SUGCT: variants seen among roughly 807,000 people sequenced by gnomAD.
SUGCT encodes succinyl-CoA:glutarate-CoA transferase.
In SUGCT, 41 loss-of-function variants were observed where a neutral mutation model predicts 55.0. The observed-to-expected ratio is 0.74, with a 90% CI of 0.58 to 0.97. The LOEUF (loss-of-function observed/expected upper bound fraction) is 0.97. Among genes scored for constraint, SUGCT ranks in the 50% least tolerant of loss-of-function variants. The pLI, the probability that SUGCT is intolerant of heterozygous loss-of-function variation, is 0.00. For synonymous variants in SUGCT, 187 were observed against 200.4 expected (o/e 0.93, Z 0.56); for missense variants, 568 against 547.8 (o/e 1.04, Z -0.37).
At chr7:40,397,227 G>A (rs1785782653) in intron 9 of SUGCT, among the ~76,000 whole-genome samples, 3 of 152,110 alleles carry the variant, frequency 2.0e-5, no homozygotes, top group Admixed American at 2.0e-4. Flanking sequence ...TCTGTGGTTG[G>A]AACTTTGCTT....
At chr7:40,697,208 C>T (rs1237016750) in intron 12 of SUGCT, among the ~76,000 whole-genome samples, 1 of 152,158 alleles carries the variant, frequency 6.6e-6, no homozygotes, top group Non-Finnish European at 1.5e-5. Context: ...AAGTACTTGG[C>T]ATTTTATTCC....
chr7:40,655,191 G>A (rs975040345), intron 12 of SUGCT, among the ~76,000 whole-genome samples: 1 of 152,126 alleles, frequency 6.6e-6, no homozygotes, highest in African/African-American at 2.4e-5. Flanking sequence ...CTCCTCAGGA[G>A]GCTGAGGTGG....
intron 12 of SUGCT, among the ~76,000 whole-genome samples, chr7:40,740,184 T>C (rs969787061): frequency 3.3e-5 from 5 of 152,080 alleles, no homozygotes; most frequent in Non-Finnish European, 7.4e-5. Context: ...AATGGTGTTG[T>C]TTTTAATTTT....
At chr7:40,513,852 C>T (rs751173839) in intron 12 of SUGCT, among the ~76,000 whole-genome samples, 15 of 139,564 alleles carry the variant, frequency 1.1e-4, no homozygotes, top group South Asian at 2.3e-4. Context: ...TGCGGTGGCG[C>T]GATCTCGGCT....
chr7:40,673,488 C>T (rs1414360286), intron 12 of SUGCT, among the ~76,000 whole-genome samples: 1 of 152,204 alleles, frequency 6.6e-6, no homozygotes, highest in Non-Finnish European at 1.5e-5. Flanking sequence ...TCCCTCTGAA[C>T]CACTGAGTCA....
chr7:40,931,076 A>G, the SUGCT span, among the ~76,000 whole-genome samples: 3 of 152,056 alleles, frequency 2.0e-5, no homozygotes, highest in African/African-American at 7.2e-5. Context: ...AATAGCTCTT[A>G]TTGTTTTGAG....
intron 12 of SUGCT, among the ~76,000 whole-genome samples, chr7:40,526,485 G>A (rs1793805370): frequency 6.6e-6 from 1 of 152,140 alleles, no homozygotes; most frequent in Non-Finnish European, 1.5e-5. Flanking sequence ...TTAAAACACA[G>A]ATTACTGGAC....
In SUGCT at chr7:40,638,354, T is replaced by A. The variant is rs2151820330; in HGVS notation, c.1090-111080T>A. ...CTTATTTGCATTCTGAAATGCTTCC[T>A]TGATGAAAGAGAGTAGGTGAAGCTC... is the stretch of plus-strand genomic sequence containing the variant. On this transcript the variant is annotated intron_variant, in intron 12 of 13. Coordinates refer to ENST00000335693, the MANE Select transcript of SUGCT (RefSeq NM_001193313.2). 2.0e-5 allele frequency among the ~76,000 whole-genome samples: 3 copies of A among 152,338 alleles called. 1 individual carries two copies. Among genetic ancestry groups the A allele is most frequent in the Admixed American group, 2.0e-4 (3 of 15,308 alleles).
At chr7:40,332,196 T>G (rs1796347331) in intron 9 of SUGCT, among the ~76,000 whole-genome samples, 1 of 152,124 alleles carries the variant, frequency 6.6e-6, no homozygotes, top group Admixed American at 6.5e-5. Context: ...TTCAAGGAAG[T>G]CTGAAGAGAT....
chr7:40,709,442 G>C (rs565197564), intron 12 of SUGCT, among the ~76,000 whole-genome samples: 1 of 152,352 alleles, frequency 6.6e-6, no homozygotes, highest in African/African-American at 2.4e-5. Flanking sequence ...GGATCTACAA[G>C]GATATGGTCT....
chr7:40,351,031 C>A (rs1361399568), intron 9 of SUGCT, among the ~76,000 whole-genome samples: 1 of 152,084 alleles, frequency 6.6e-6, no homozygotes, highest in African/African-American at 2.4e-5. Flanking sequence ...TTTATCCTGT[C>A]TATCATTGAT....
intron 12 of SUGCT, among the ~76,000 whole-genome samples, chr7:40,685,551 C>G (rs1784428838): frequency 1.3e-5 from 2 of 152,162 alleles, no homozygotes; most frequent in African/African-American, 4.8e-5. Flanking sequence ...GATGCCAGTC[C>G]TATTCTACCT....
At chr7:40,752,228 C>G (rs1199358723) in intron 13 of SUGCT, among the ~76,000 whole-genome samples, 1 of 152,170 alleles carries the variant, frequency 6.6e-6, no homozygotes, top group Non-Finnish European at 1.5e-5. Context: ...GTGTGTCTCT[C>G]CTACTCTTCT....
chr7:40,951,139 C>T, the SUGCT span, among the ~76,000 whole-genome samples: 1 of 152,070 alleles, frequency 6.6e-6, no homozygotes, highest in Non-Finnish European at 1.5e-5. Flanking sequence ...ATTTCACAGC[C>T]TGTTATTGGT....
At chr7:40,979,501 C>T in the SUGCT span, 1 of 152,516 alleles carries the variant, frequency 6.6e-6, no homozygotes, top group East Asian at 1.9e-4. Context: ...GCGGGTCTTC[C>T]TGGAGACACT....
chr7:41,008,471 T>C, the SUGCT span, among the ~76,000 whole-genome samples: 2 of 152,148 alleles, frequency 1.3e-5, no homozygotes, highest in African/African-American at 4.8e-5. Context: ...GAAAACTAGG[T>C]GGGTTGGGGA....
At chr7:40,914,531 A>G in the SUGCT span, among the ~76,000 whole-genome samples, 1 of 152,170 alleles carries the variant, frequency 6.6e-6, no homozygotes, top group Non-Finnish European at 1.5e-5. Flanking sequence ...ACCACGGATA[A>G]GATCTTTACA....
intron 2 of SUGCT, among the ~76,000 whole-genome samples, 192 bp downstream of exon 2, chr7:40,181,190 T>A (rs1785183257): frequency 6.6e-6 from 1 of 152,156 alleles, no homozygotes; most frequent in East Asian, 1.9e-4. Context: ...CTTTTCCCAA[T>A]GTATATTTAT....
At chr7:40,854,413 T>G (rs1459288552) in intron 13 of SUGCT, among the ~76,000 whole-genome samples, 1 of 78,086 alleles carries the variant, frequency 1.3e-5, no homozygotes. Context: ...CTTTCTTTCT[T>G]TCTTTCCTTT....
Sources: allele counts gnomAD v4.1 joint callset (sites outside exome capture counted in the v4.1 genomes callset), GRCh38; gene constraint gnomAD v4.1.1; transcripts MANE v1.5; gene names NCBI Gene and HGNC (gene_info 2026-07-23, HGNC 2026-07-21).